VPS33A: variants seen among roughly 807,000 people sequenced by gnomAD.
The protein encoded by VPS33A is VPS33A core subunit of CORVET and HOPS complexes.
VPS33A carries 32 observed loss-of-function variants against 71.8 expected under a neutral mutation model. The ratio of observed to expected loss-of-function variants is 0.45; its 90% CI spans 0.34 to 0.60. The LOEUF (loss-of-function observed/expected upper bound fraction) is 0.60, where lower values mean the gene tolerates loss of function less well. VPS33A is among the 20% of genes least tolerant of loss of function. The pLI is 0.02. For synonymous variants in VPS33A, 311 were observed against 292.7 expected (o/e 1.06, Z -0.64); for missense variants, 625 against 748.5 (o/e 0.84, Z 1.92).
Position 122,254,047 on chromosome 12 carries a change from A to G in VPS33A, c.484-2948T>C, listed in dbSNP as rs143843709. ...GTCTCACATACCCACACAGCAGAAT[A>G]CCTTGCAGAATACCATACAAGAGGC... On this transcript the variant is annotated intron_variant, in intron 4 of 12. Transcript: ENST00000267199. Among the ~76,000 whole-genome samples, 125 of 152,158 alleles carry G rather than the reference A, an allele frequency of 8.2e-4. 2 individuals are homozygous for G. The highest frequency in any genetic ancestry group is 2.9e-3 in the African/African-American group (119 of 41,526).
chr12:122,238,806 C>CA, intron 9 of VPS33A, 82 bp from the exon 10 acceptor site: 2 of 1,084,746 alleles, frequency 1.8e-6, no homozygotes, highest in East Asian at 3.1e-5. Context: ...CACACACACA[C>CA]AATACATGGT....
At chr12:122,261,543 TAA>T in intron 3 of VPS33A, 96 bp from the exon 4 acceptor site, 4 of 1,129,306 alleles carry the variant, frequency 3.5e-6, no homozygotes, top group Non-Finnish European at 5.2e-6. Flanking sequence ...TAGCAGGCAC[TAA>T]ATAAATGCTG....
intron 11 of VPS33A, 27 bp downstream of exon 11, chr12:122,235,759 G>A: frequency 6.3e-7 from 1 of 1,598,006 alleles, no homozygotes; most frequent in Non-Finnish European, 8.5e-7. Context: ...TCCCTAAGCT[G>A]AGACGAGGTG....
intron 4 of VPS33A, among the ~76,000 whole-genome samples, chr12:122,259,701 G>A (rs1566051863): frequency 1.3e-5 from 2 of 152,000 alleles, no homozygotes; most frequent in Non-Finnish European, 2.9e-5. Context: ...AAGGCCTCGC[G>A]CAGGCTTCAA....
chr12:122,246,009 T>C (rs1393498623), intron 6 of VPS33A, among the ~76,000 whole-genome samples: 2 of 152,204 alleles, frequency 1.3e-5, no homozygotes, highest in Admixed American at 1.3e-4. Flanking sequence ...TCCTTCTCCC[T>C]ACTCTGCTCC....
At position 122,235,872 on chromosome 12, in the gene VPS33A, G is replaced by C; in HGVS notation, c.1354C>G (p.Leu452Val). 11 of 1,613,752 alleles carry C rather than the reference G, an allele frequency of 6.8e-6. No homozygotes were observed. The highest frequency in any genetic ancestry group is 9.3e-6 in the Non-Finnish European group (11 of 1,179,882). The change falls in exon 11 of 13, where the codon CTG (leucine) becomes GTG (valine). Residue 452 changes from leucine (L) to valine (V), a missense_variant. By Grantham distance (32) the Leu-to-Val change is conservative. Transcript: ENST00000267199. Reference sequence around the variant, plus strand: ...CTGCCCCCCGTCTGCGGTTTCAGCAGGCCGGCCTTCTCCAGGTTGTGTAAG... The same window carrying C: ...CTGCCCCCCGTCTGCGGTTTCAGCACGCCGGCCTTCTCCAGGTTGTGTAAG... ...LTLHNLEKAGLLKPQTGGRNN... is the reference protein window; with the variant it reads ...LTLHNLEKAGVLKPQTGGRNN...
chr12:122,252,461 G>A (rs555245879), intron 4 of VPS33A, among the ~76,000 whole-genome samples: 4 of 152,022 alleles, frequency 2.6e-5, no homozygotes, highest in East Asian at 3.9e-4. Flanking sequence ...TAGTAGAGAC[G>A]GGGTTTCACC....
chr12:122,255,502 G>A (rs980164594), intron 4 of VPS33A, among the ~76,000 whole-genome samples: 13 of 152,046 alleles, frequency 8.6e-5, no homozygotes, highest in African/African-American at 2.9e-4. Context: ...TCAGGAGTTC[G>A]AGACCAGCCT....
chr12:122,262,226 G>A (rs1955004456), intron 3 of VPS33A, among the ~76,000 whole-genome samples: 1 of 152,032 alleles, frequency 6.6e-6, no homozygotes, highest in Non-Finnish European at 1.5e-5. Context: ...GACCCAACGT[G>A]TTACAGCTGT....
At chr12:122,234,745 AC>A (rs111336568) in intron 11 of VPS33A, among the ~76,000 whole-genome samples, 17,430 of 152,168 alleles carry the variant, frequency 0.11, 2,964 homozygotes, top group African/African-American at 0.37. Context: ...AAGACAAAGC[AC>A]CAGAGTGAAC....
intron 7 of VPS33A, 72 bp from the exon 8 acceptor site, chr12:122,242,580 T>A (rs1954730126): frequency 6.7e-7 from 1 of 1,491,920 alleles, no homozygotes; most frequent in African/African-American, 1.4e-5. Flanking sequence ...TGAGAAGGAC[T>A]CTCGCTTTGT....
Position 122,261,343 on chromosome 12 carries a change from A to C in VPS33A, c.401T>G (p.Phe134Cys). The part of the protein sequence containing the change: ...RLKDLGVLGS[F>C]IHREEYSLDL... The stretch of plus-strand genomic sequence containing the variant: ...TAAGCTGTACTCCTCCCTGTGAATA[A>C]AGGATCCCAAGACACCCAGATCCTT... Residue 134 changes from phenylalanine (F) to cysteine (C), a missense_variant, in exon 4 of 13, where the codon TTT becomes TGT. Phe to Cys is a radical substitution (Grantham distance 205, BLOSUM62 -2). Transcript: ENST00000267199. 6.2e-7 allele frequency: 1 copy of C among 1,614,110 alleles called. No individual in the cohort carries two copies. The highest frequency in any genetic ancestry group is 8.5e-7 in the Non-Finnish European group (1 of 1,180,016).
At chr12:122,247,141 G>A (rs992700766) in intron 6 of VPS33A, among the ~76,000 whole-genome samples, 1 of 152,096 alleles carries the variant, frequency 6.6e-6, no homozygotes, top group African/African-American at 2.4e-5. Context: ...GATAATAACG[G>A]ATCTATGTTT....
Position 122,263,712 on chromosome 12 carries a change from A to G in VPS33A, c.169-13T>C. ...CCACTTCATGTTCCTAGGCAAACAC[A>G]TACACAAAAGGTTAACAAGAAGACT... is the stretch of plus-strand genomic sequence containing the variant. On this transcript the variant is annotated splice_polypyrimidine_tract_variant and intron_variant, in intron 2 of 12. Coordinates refer to ENST00000267199, the MANE Select transcript of VPS33A (RefSeq NM_022916.6). 2 of 1,593,096 alleles carry G rather than the reference A, an allele frequency of 1.3e-6. No homozygotes were observed. Among genetic ancestry groups the G allele is most frequent in the South Asian group, 1.1e-5 (1 of 88,742 alleles).
At chr12:122,257,189 G>A (rs1339428722) in intron 4 of VPS33A, among the ~76,000 whole-genome samples, 2 of 152,028 alleles carry the variant, frequency 1.3e-5, no homozygotes, top group Non-Finnish European at 2.9e-5. Context: ...CACTTTCAGA[G>A]GCCGAGGCAG....
intron 8 of VPS33A, among the ~76,000 whole-genome samples, chr12:122,240,388 C>T (rs994468898): frequency 1.3e-5 from 2 of 152,066 alleles, no homozygotes; most frequent in Admixed American, 1.3e-4. Context: ...CAAGTCATCA[C>T]CTGAAGAAAA....
chr12:122,242,065 G>A (rs1162169342), intron 8 of VPS33A, among the ~76,000 whole-genome samples: 1 of 151,820 alleles, frequency 6.6e-6, no homozygotes, highest in Non-Finnish European at 1.5e-5. Context: ...ATACCACTGT[G>A]CCTGGCTAAT....
rs141545715 is a variant in VPS33A, at chr12:122,239,917, G to A, written c.1125C>T (p.Thr375=). 80 of 1,613,446 alleles carry A rather than the reference G, an allele frequency of 5.0e-5. No individual in the cohort carries two copies. The Admixed American group carries it at 7.2e-4, about 14-fold the overall frequency. ...TTSEDFFDKL[T]VEQEFMSGID... ...TTCCAGACATAAACTCCTGTTCCACGGTTAATTTATCAAAAAAGTCTTCAG... is the reference window on the plus strand; with the variant it reads ...TTCCAGACATAAACTCCTGTTCCACAGTTAATTTATCAAAAAAGTCTTCAG... The change falls in exon 9 of 13, where the codon ACC becomes ACT. Residue 375 remains threonine, a synonymous_variant. Coordinates refer to ENST00000267199, the MANE Select transcript of VPS33A (RefSeq NM_022916.6).
chr12:122,252,279 T>A (rs528958212), intron 4 of VPS33A, among the ~76,000 whole-genome samples: 2 of 151,802 alleles, frequency 1.3e-5, no homozygotes, highest in East Asian at 3.9e-4. Flanking sequence ...TATTTTTATT[T>A]TTTTTTTGAG....
Sources: gnomAD v4.1 joint callset for allele counts (sites outside exome capture counted in the v4.1 genomes callset) on GRCh38, gnomAD v4.1.1 for gene constraint, MANE v1.5 for transcripts, NCBI Gene and HGNC (gene_info 2026-07-23, HGNC 2026-07-21) for gene names.